The following WDR33 variants were observed in gnomAD, a reference collection of about 807,000 sequenced individuals.
WDR33 encodes the protein WD repeat domain 33, also known as pre-mRNA 3' end processing protein WDR33.
WDR33 carries 47 observed loss-of-function variants against 164.9 expected under a neutral mutation model. That is an observed-to-expected ratio of 0.29 (90% CI 0.23 to 0.36). WDR33 has a LOEUF of 0.36. WDR33 is among the 10% of genes least tolerant of loss of function. The pLI, the probability that WDR33 is intolerant of heterozygous loss-of-function variation, is 1.00. For synonymous variants in WDR33, 505 were observed against 589.0 expected (o/e 0.86, Z 2.06); for missense variants, 1,137 against 1,754.1 (o/e 0.65, Z 6.28).
At chr2:127,731,082 C>T (rs1686693917) in intron 7 of WDR33, among the ~76,000 whole-genome samples, 1 of 151,712 alleles carries the variant, frequency 6.6e-6, no homozygotes, top group Non-Finnish European at 1.5e-5. Context: ...TTGCTTGAAT[C>T]CAGAAGTTTT....
rs934681208 is a variant in WDR33 at position 127,752,397 on chromosome 2, T to C, written c.724+10665A>G. 1.3e-4 allele frequency among the ~76,000 whole-genome samples: 19 copies of C among 151,532 alleles called. 1 individual carries two copies. Among genetic ancestry groups the C allele is most frequent in the African/African-American group, 4.6e-4 (19 of 41,202 alleles). Reference sequence around the variant, plus strand: ...TGAGGTCAGGAGATCGAGACCATCCTGGCTAACAAGGTGAAACCCCGTCTC... The same window carrying C: ...TGAGGTCAGGAGATCGAGACCATCCCGGCTAACAAGGTGAAACCCCGTCTC... On this transcript the variant is annotated intron_variant, in intron 7 of 21. Transcript: ENST00000322313.
chr2:127,737,151 G>C, intron 7 of WDR33: 1 of 985,356 alleles, frequency 1.0e-6, no homozygotes, highest in Non-Finnish European at 1.2e-6. Flanking sequence ...CTACTTTGCA[G>C]AGTATTCATC....
intron 1 of WDR33, among the ~76,000 whole-genome samples, chr2:127,774,032 C>T (rs891365425): frequency 3.4e-5 from 5 of 145,358 alleles, no homozygotes; most frequent in Non-Finnish European, 6.0e-5. Context: ...TGAGCCACCA[C>T]GCCCAGCCCA....
chr2:127,789,772 C>CTTACAAAAAA (rs1273332120), intron 1 of WDR33, among the ~76,000 whole-genome samples: 27 of 152,090 alleles, frequency 1.8e-4, no homozygotes, highest in African/African-American at 6.0e-4. Context: ...TATGACATAA[C>CTTACAAAAAA]TACAGATTTT....
At chr2:127,776,745 G>T (rs1196554791) in intron 1 of WDR33, among the ~76,000 whole-genome samples, 1 of 152,164 alleles carries the variant, frequency 6.6e-6, no homozygotes, top group Non-Finnish European at 1.5e-5. Flanking sequence ...AGCTTTCTCT[G>T]AGAGCAGAAA....
At chr2:127,797,443 G>C (rs2104670515) in intron 1 of WDR33, among the ~76,000 whole-genome samples, 1 of 152,208 alleles carries the variant, frequency 6.6e-6, no homozygotes, top group East Asian at 1.9e-4. Context: ...AGTCAGCCAA[G>C]ATCACACCAC....
At chr2:127,765,114 T>C in intron 5 of WDR33, 60 bp downstream of exon 5, 1 of 1,567,692 alleles carries the variant, frequency 6.4e-7, no homozygotes, top group South Asian at 1.1e-5. Flanking sequence ...ATGAAATGAC[T>C]ATATCTCAAG....
At position 127,725,053 on chromosome 2, in the gene WDR33, C is replaced by T. The variant is rs201868406; in HGVS notation, c.1006+8G>A. On this transcript the variant is annotated splice_region_variant and intron_variant, in intron 9 of 21. Coordinates refer to ENST00000322313, the MANE Select transcript of WDR33 (RefSeq NM_018383.5). ...GTGGTCAATGAGAAGCATATCACAGCCACTGACCTGTGGCTTCTTTCTTAT... is the reference window on the plus strand; with the variant it reads ...GTGGTCAATGAGAAGCATATCACAGTCACTGACCTGTGGCTTCTTTCTTAT... 2 of 1,613,868 alleles carry T rather than the reference C, an allele frequency of 1.2e-6. No homozygotes were observed. Among genetic ancestry groups the T allele is most frequent in the East Asian group, 4.5e-5 (2 of 44,874 alleles).
chr2:127,727,254 T>C (rs1041016986), intron 7 of WDR33, among the ~76,000 whole-genome samples: 1 of 152,178 alleles, frequency 6.6e-6, no homozygotes, highest in Non-Finnish European at 1.5e-5. Flanking sequence ...CTAGATGGAA[T>C]GACAGGAAAA....
rs1688817252 is a variant in WDR33, at chr2:127,790,815, A to T, written c.-23-19811T>A. Reference sequence around the variant, plus strand: ...TAATAGATATAGGACTATTCAGGTTACATATTTTTTCTTGAGTGAGTTTTA... The same window carrying T: ...TAATAGATATAGGACTATTCAGGTTTCATATTTTTTCTTGAGTGAGTTTTA... On this transcript the variant is annotated intron_variant, in intron 1 of 21. Transcript: ENST00000322313. Among the ~76,000 whole-genome samples the T allele has an allele frequency of 1.3e-5, 2 of 152,176 alleles. 1 individual carries two copies. Among genetic ancestry groups the T allele is most frequent in the South Asian group, 4.1e-4 (2 of 4,826 alleles).
At chr2:127,737,153 G>C in intron 7 of WDR33, 1 of 985,328 alleles carries the variant, frequency 1.0e-6, no homozygotes, top group Non-Finnish European at 1.2e-6. Context: ...ACTTTGCAGA[G>C]TATTCATCAA....
At position 127,738,180 on chromosome 2, in the gene WDR33, G is replaced by T; in HGVS notation, c.725-11403C>A. 1 of 715,678 alleles carries T rather than the reference G, an allele frequency of 1.4e-6. No individual in the cohort carries two copies. Among genetic ancestry groups the T allele is most frequent in the South Asian group, 3.4e-5 (1 of 29,666 alleles). 44.3% of individuals were successfully genotyped at this position (715,678 alleles called of 1,614,324 possible). A position where few individuals can be genotyped will look rare whatever the true frequency, so the allele number is the denominator to read the frequency against. ...ATTTTTTTCTATTAATGAGTAATCT[G>T]AGATAACATATGCTCCAACTGGATC... On this transcript the variant is annotated intron_variant, in intron 7 of 21. Transcript: ENST00000322313. The surrounding 1 kb of genome is among the most constrained non-coding windows in gnomAD (Gnocchi z 4.4).
At chr2:127,747,636 T>C (rs988325171) in intron 7 of WDR33, among the ~76,000 whole-genome samples, 4 of 152,216 alleles carry the variant, frequency 2.6e-5, no homozygotes, top group African/African-American at 9.6e-5. Context: ...AGGCTGCTTT[T>C]GCCTATAATG....
intron 7 of WDR33, among the ~76,000 whole-genome samples, chr2:127,729,608 G>A (rs1686654342): frequency 2.0e-5 from 3 of 151,900 alleles, no homozygotes; most frequent in African/African-American, 7.2e-5. Context: ...CGATTCTCCT[G>A]CCTCAGCCTC....
intron 1 of WDR33, among the ~76,000 whole-genome samples, chr2:127,794,719 A>T (rs1688963956): frequency 6.6e-6 from 1 of 150,550 alleles, no homozygotes; most frequent in Non-Finnish European, 1.5e-5. Context: ...CTGTAGTTCC[A>T]GCTACTAAGG....
At chr2:127,728,423 G>A (rs911010037) in intron 7 of WDR33, among the ~76,000 whole-genome samples, 3 of 152,130 alleles carry the variant, frequency 2.0e-5, no homozygotes, top group African/African-American at 4.8e-5. Flanking sequence ...TCTAGACACC[G>A]AATTGTTAAC....
rs999176980 is a variant in WDR33, at chr2:127,763,448, C to G, written c.627-289G>C. ...TGTTCCTTCTCTATTTTCTATGATACGAGGAAATCACATGAAGCTGCCTTA... is the reference window on the plus strand; with the variant it reads ...TGTTCCTTCTCTATTTTCTATGATAGGAGGAAATCACATGAAGCTGCCTTA... On this transcript the variant is annotated intron_variant, in intron 6 of 21. Transcript: ENST00000322313. The surrounding 1 kb of genome is among the most constrained non-coding windows in gnomAD (Gnocchi z 4.5). The G allele has an allele frequency of 8.8e-7, 1 of 1,132,826 alleles. No homozygotes were observed. Among genetic ancestry groups the G allele is most frequent in the African/African-American group, 1.6e-5 (1 of 62,330 alleles). The allele number at this position is 1,132,826 out of a possible 1,614,324, so 70.2% of individuals were successfully genotyped here.
chr2:127,790,666 G>A (rs542292812), intron 1 of WDR33, among the ~76,000 whole-genome samples: 50 of 152,164 alleles, frequency 3.3e-4, no homozygotes, highest in African/African-American at 1.2e-3. Flanking sequence ...TACAGCGCAT[G>A]GCCAGAGGAC....
rs1687006941 is a variant in WDR33 at position 127,741,291 on chromosome 2, G to A, written c.725-14514C>T. 6.6e-6 allele frequency among the ~76,000 whole-genome samples: 1 copy of A among 152,174 alleles called. No individual in the cohort carries two copies. The highest frequency in any genetic ancestry group is 6.6e-5 in the Admixed American group (1 of 15,264). On this transcript the variant is annotated intron_variant, in intron 7 of 21. Transcript: ENST00000322313. The surrounding 1 kb of genome is among the most constrained non-coding windows in gnomAD (Gnocchi z 4.1). ...GATGACACTGAAAATGGAAAGAAGT[G>A]GAGGGCAAAGAGAGAATGGGAGAGG...
Sources: allele counts gnomAD v4.1 joint callset (sites outside exome capture counted in the v4.1 genomes callset), GRCh38; gene constraint gnomAD v4.1.1; non-coding constraint Gnocchi (gnomAD v3.1); transcripts MANE v1.5; gene names NCBI Gene and HGNC (gene_info 2026-07-23, HGNC 2026-07-21).